Variants in CEP295 observed in about 807,000 individuals in gnomAD.
The protein encoded by CEP295 is centrosomal protein 295.
Under a neutral mutation model 291.6 loss-of-function variants are expected in CEP295, and 190 were observed. That is an observed-to-expected ratio of 0.65 (90% CI 0.58 to 0.73). CEP295 has a LOEUF of 0.73. Ranked by LOEUF, CEP295 falls within the 30% of genes least tolerant of loss-of-function variation. The probability of loss-of-function intolerance (pLI) is 0.00; values close to 1 mark genes in which losing one functional copy is unlikely to be tolerated. For synonymous variants in CEP295, 993 were observed against 1,038.8 expected, an observed-to-expected ratio of 0.96 and a Z score of 0.85; for missense variants, 2,863 against 2,949.4, an observed-to-expected ratio of 0.97 and a Z score of 0.68.
intron 10 of CEP295, among the ~76,000 whole-genome samples, chr11:93,691,057 A>G (rs1951523916): frequency 6.6e-6 from 1 of 152,096 alleles, no homozygotes; most frequent in Non-Finnish European, 1.5e-5. Context: ...CACTTTTCTT[A>G]TATAGTACTT....
Position 93,687,637 on chromosome 11 carries a change from CT to C in CEP295, c.1115-3del. 6.9e-7 allele frequency: 1 copy of C among 1,449,404 alleles called. No homozygotes were observed. Among genetic ancestry groups the C allele is most frequent in the Non-Finnish European group, 9.3e-7 (1 of 1,072,698 alleles). 89.8% of individuals were successfully genotyped at this position (1,449,404 alleles called of 1,614,324 possible). Reference sequence around the variant, plus strand: ...AAATAAGTTTTTTCCCTTTTTCTTTCTTTTAGTTCCCTTGGTAATGAAGACC... The same window carrying C: ...AAATAAGTTTTTTCCCTTTTTCTTTCTTTAGTTCCCTTGGTAATGAAGACC... On this transcript the variant is annotated splice_region_variant and splice_polypyrimidine_tract_variant and intron_variant, in intron 9 of 29. Coordinates refer to ENST00000325212, the MANE Select transcript of CEP295 (RefSeq NM_033395.2).
At chr11:93,689,103 G>C (rs375162663) in intron 10 of CEP295, among the ~76,000 whole-genome samples, 1 of 152,064 alleles carries the variant, frequency 6.6e-6, no homozygotes, top group Non-Finnish European at 1.5e-5. Context: ...CCTAGCTTAA[G>C]CCATGTTCAT....
chr11:93,661,884 G>T (rs1950001657), intron 1 of CEP295, 110 bp downstream of exon 1: 1 of 152,782 alleles, frequency 6.5e-6, no homozygotes, highest in Non-Finnish European at 1.5e-5. Context: ...AAGGCGCCTT[G>T]TTGCGAACGC....
intron 23 of CEP295, 185 bp from the exon 24 acceptor site, chr11:93,726,791 G>A (rs528216112): frequency 4.4e-6 from 2 of 459,100 alleles, no homozygotes; most frequent in Non-Finnish European, 7.7e-6. Context: ...AATACTTGGT[G>A]TGAGCTGTAG....
chr11:93,699,850 T>A lies in CEP295; in HGVS notation c.4938T>A (p.Phe1646Leu). ...ESAEHTIPSL[F>L]LPKETEHSFI... ...CTGAGCATACTATCCCCTCTTTGTT[T>A]CTACCCAAGGAAACAGAGCATTCGT... Residue 1646 changes from phenylalanine to leucine, a missense_variant, in exon 15 of 30, where the codon TTT becomes TTA. Physicochemically the swap from Phe to Leu is conservative, Grantham distance 22. Coordinates refer to ENST00000325212, the MANE Select transcript of CEP295 (RefSeq NM_033395.2). 6.4e-7 allele frequency: 1 copy of A among 1,552,218 alleles called. No homozygotes were observed. Among genetic ancestry groups the A allele is most frequent in the Non-Finnish European group, 8.7e-7 (1 of 1,147,100 alleles).
chr11:93,711,690 A>G (rs1952912620), intron 18 of CEP295, among the ~76,000 whole-genome samples: 1 of 152,062 alleles, frequency 6.6e-6, no homozygotes, highest in Non-Finnish European at 1.5e-5. Context: ...TTTAGTATAG[A>G]TGGAGTTTCA....
At chr11:93,683,774 G>C in intron 8 of CEP295, 32 bp downstream of exon 8, 1 of 1,506,326 alleles carries the variant, frequency 6.6e-7, no homozygotes, top group Non-Finnish European at 8.9e-7. Context: ...TTTCAATAGT[G>C]ATTTTATACG....
chr11:93,699,217 A>G lies in CEP295; in HGVS notation c.4305A>G (p.Ile1435Met). Residue 1435 changes from isoleucine (I) to methionine (M), a missense_variant, in exon 15 of 30, where the codon ATA (isoleucine) becomes ATG (methionine). Coordinates refer to ENST00000325212, the MANE Select transcript of CEP295 (RefSeq NM_033395.2). The stretch of plus-strand genomic sequence containing the variant: ...TAGTATCCTCAGGTCACTCAGAGAT[A>G]CCAACATTGCCTGATGGGCTGTTGG... Reference protein sequence around the residue: ...DNIVSSGHSEIPTLPDGLLGL... With the variant: ...DNIVSSGHSEMPTLPDGLLGL... The G allele has an allele frequency of 6.4e-7, 1 of 1,551,902 alleles. No individual in the cohort carries two copies. Among genetic ancestry groups the G allele is most frequent in the African/African-American group, 1.4e-5 (1 of 73,164 alleles).
intron 18 of CEP295, among the ~76,000 whole-genome samples, chr11:93,719,216 G>C (rs975076133): frequency 1.3e-5 from 2 of 148,674 alleles, no homozygotes; most frequent in African/African-American, 4.9e-5. Context: ...AGATGTGTAC[G>C]TGTGTGTGTG....
chr11:93,704,128 C>G (rs1322401084), intron 17 of CEP295, among the ~76,000 whole-genome samples: 2 of 151,738 alleles, frequency 1.3e-5, no homozygotes, highest in Non-Finnish European at 2.9e-5. Context: ...TTTTAGAATT[C>G]AGATTCACTA....
chr11:93,729,896 G>C lies in CEP295; in HGVS notation c.7594G>C (p.Val2532Leu). 6.5e-7 allele frequency: 1 copy of C among 1,549,918 alleles called. No individual in the cohort carries two copies. The highest frequency in any genetic ancestry group is 2.4e-5 in the East Asian group (1 of 40,882). The change falls in exon 28 of 30, where the codon GTG becomes CTG. Residue 2532 changes from valine to leucine, a missense_variant. Coordinates refer to ENST00000325212, the MANE Select transcript of CEP295 (RefSeq NM_033395.2). ...TTCATCTGTGAGTCGTCTAAAGGGC[G>C]TGAATAAAGTCAGAGCATCTTTTCC... Reference protein sequence around the residue: ...ISSSVSRLKGVNKVRASFPED... With the variant: ...ISSSVSRLKGLNKVRASFPED...
At chr11:93,673,098 T>C (rs922159188) in intron 5 of CEP295, among the ~76,000 whole-genome samples, 5 of 152,236 alleles carry the variant, frequency 3.3e-5, no homozygotes, top group African/African-American at 1.2e-4. Flanking sequence ...CATTCTAATG[T>C]GTACTACCAT....
rs531491181 is a variant in CEP295, at chr11:93,723,428, A to T, written c.6196+139A>T. 16 of 638,598 alleles carry T rather than the reference A, an allele frequency of 2.5e-5. 1 individual carries two copies. In the South Asian group the frequency reaches 3.4e-4, roughly 14 times the overall value. The allele number at this position is 638,598 out of a possible 1,614,324, so 39.6% of individuals were successfully genotyped here. Reference sequence around the variant, plus strand: ...ACAACACCGTTTTACCACAGAATATATTGAGGGCATTTAGTGAGAAAGGGG... The same window carrying T: ...ACAACACCGTTTTACCACAGAATATTTTGAGGGCATTTAGTGAGAAAGGGG... On this transcript the variant is annotated intron_variant, in intron 21 of 29. Coordinates refer to ENST00000325212, the MANE Select transcript of CEP295 (RefSeq NM_033395.2).
chr11:93,727,412 A>C lies in CEP295; in HGVS notation c.6936A>C (p.Ile2312=). 1.3e-6 allele frequency: 2 copies of C among 1,551,792 alleles called. No homozygotes were observed. The highest frequency in any genetic ancestry group is 2.4e-5 in the South Asian group (2 of 84,056). ...ATGAAACCTGTAGGGTTTTAGACAT[A>C]AATCCACAGGTAGAGGAAACTGACT... The part of the protein sequence containing the change: ...NKNETCRVLD[I]NPQVEETDSR... The change falls in exon 24 of 30, where the codon ATA becomes ATC. Residue 2312 remains isoleucine (I), a synonymous_variant. Transcript: ENST00000325212.
rs755396134 is a variant in CEP295, at chr11:93,683,987, C to T, written c.973C>T (p.His325Tyr). The T allele has an allele frequency of 1.3e-6, 2 of 1,551,046 alleles. No homozygotes were observed. The highest frequency in any genetic ancestry group is 1.7e-6 in the Non-Finnish European group (2 of 1,146,912). Residue 325 changes from histidine (H) to tyrosine (Y), a missense_variant, in exon 9 of 30, where the codon CAC (histidine) becomes TAC (tyrosine). His to Tyr is a moderately conservative substitution (Grantham distance 83). Around this residue, in one of 3 missense-constraint regions of CEP295, gnomAD observed 554 missense variants for 576.0 expected, o/e 0.96. Coordinates refer to ENST00000325212, the MANE Select transcript of CEP295 (RefSeq NM_033395.2). ...DRKVKGNLILHLEPEPLPTVT... is the reference protein window; with the variant it reads ...DRKVKGNLILYLEPEPLPTVT... Reference sequence around the variant, plus strand: ...AGAGGTGAAAGGGAATCTGATTCTGCACCTTGAACCAGAGCCCTTGCCCAC... The same window carrying T: ...AGAGGTGAAAGGGAATCTGATTCTGTACCTTGAACCAGAGCCCTTGCCCAC...
Position 93,681,004 on chromosome 11 carries a change from G to A in CEP295, c.765+1452G>A, listed in dbSNP as rs139353872. On this transcript the variant is annotated intron_variant, in intron 7 of 29. Coordinates refer to ENST00000325212, the MANE Select transcript of CEP295 (RefSeq NM_033395.2). ...GGAGTGAATTATGACTAAAATAACT[G>A]AATGTCTGAATTATTATCAGTAATT... Among the ~76,000 whole-genome samples the A allele has an allele frequency of 6.9e-3, 1,045 of 152,244 alleles. 13 individuals are homozygous for A. Among genetic ancestry groups the A allele is most frequent in the African/African-American group, 0.024 (992 of 41,544 alleles).
At chr11:93,669,584 A>C in intron 4 of CEP295, 93 bp from the exon 5 acceptor site, 1 of 755,996 alleles carries the variant, frequency 1.3e-6, no homozygotes, top group African/African-American at 1.8e-5. Context: ...AGACTAGAGG[A>C]TTTCTTGAGC....
In CEP295 at chr11:93,723,279, A is replaced by G. The variant is rs574215359; in HGVS notation, c.6186A>G (p.Thr2062=). 8.0e-6 allele frequency: 12 copies of G among 1,501,934 alleles called. No individual in the cohort carries two copies. In the South Asian group the frequency reaches 1.3e-4, roughly 16 times the overall value. The allele number at this position is 1,501,934 out of a possible 1,614,324, so 93.0% of individuals were successfully genotyped here. ...AAGCAAATTTGATACCTGAAAAAAC[A>G]GATTTGCAAGGTAAAATTATTTTAA... is the stretch of plus-strand genomic sequence containing the variant. ...INEANLIPEK[T]DLQELEHIFP... is the part of the protein sequence containing the mutation. The change falls in exon 21 of 30, where the codon ACA becomes ACG. Residue 2062 remains threonine (T), a synonymous_variant. Coordinates refer to ENST00000325212, the MANE Select transcript of CEP295 (RefSeq NM_033395.2).
At chr11:93,702,306 A>G (rs1341048204) in intron 15 of CEP295, among the ~76,000 whole-genome samples, 154 bp from the exon 16 acceptor site, 1 of 152,184 alleles carries the variant, frequency 6.6e-6, no homozygotes, top group East Asian at 1.9e-4. Flanking sequence ...TTAGAAGCAT[A>G]TCTTATTTTT....
Sources: allele counts gnomAD v4.1 joint callset (sites outside exome capture counted in the v4.1 genomes callset), GRCh38; gene constraint gnomAD v4.1.1; regional missense constraint gnomAD v4.1.1; transcripts MANE v1.5; gene names NCBI Gene and HGNC (gene_info 2026-07-23, HGNC 2026-07-21).